Variants in CBFB observed in about 807,000 individuals in gnomAD.
The protein encoded by CBFB is core-binding factor subunit beta.
A neutral mutation model predicts 30.4 loss-of-function variants in CBFB; 9 were observed. That is an observed-to-expected ratio of 0.30 (90% CI 0.18 to 0.52). The LOEUF (loss-of-function observed/expected upper bound fraction) is 0.52. CBFB is among the 20% of genes least tolerant of loss of function. CBFB has a pLI of 0.97. For synonymous variants in CBFB, 94 were observed against 84.0 expected, an observed-to-expected ratio of 1.12 and a Z score of -0.65; for missense variants, 170 against 244.0, an observed-to-expected ratio of 0.70 and a Z score of 2.02.
At chr16:67,040,134 C>T (rs1410438698) in intron 3 of CBFB, among the ~76,000 whole-genome samples, 1 of 152,098 alleles carries the variant, frequency 6.6e-6, no homozygotes, top group Admixed American at 6.6e-5. Context: ...TGTGGGGTCT[C>T]GAATTTCTTT....
chr16:67,075,566 G>GTATA (rs894280456), intron 4 of CBFB, among the ~76,000 whole-genome samples: 1 of 151,630 alleles, frequency 6.6e-6, no homozygotes, highest in Non-Finnish European at 1.5e-5. Context: ...GTGTGTGTGT[G>GTATA]TATATATATA....
chr16:67,093,639 A>G (rs1213919897), intron 5 of CBFB: 1 of 152,184 alleles, frequency 6.6e-6, no homozygotes, highest in Non-Finnish European at 1.5e-5. Context: ...GGTCTGTAGC[A>G]CAAGGTTGAG....
At chr16:67,085,853 A>AG (rs1961714685) in intron 5 of CBFB, among the ~76,000 whole-genome samples, 1 of 150,676 alleles carries the variant, frequency 6.6e-6, no homozygotes, top group Non-Finnish European at 1.5e-5. Flanking sequence ...AATTTTTTGT[A>AG]TTTTTTAGTA....
intron 5 of CBFB, chr16:67,093,560 C>T (rs965860703): frequency 6.6e-6 from 1 of 151,972 alleles, no homozygotes; most frequent in Non-Finnish European, 1.5e-5. Flanking sequence ...TGCCTCCTAG[C>T]AACTCTATTT....
chr16:67,041,415 A>G (rs990837906), intron 3 of CBFB, among the ~76,000 whole-genome samples: 1 of 152,170 alleles, frequency 6.6e-6, no homozygotes, highest in Non-Finnish European at 1.5e-5. Context: ...TCCTGGATGT[A>G]TTTTGAGATA....
intron 3 of CBFB, among the ~76,000 whole-genome samples, chr16:67,052,833 C>G (rs1960595189): frequency 6.6e-6 from 1 of 151,754 alleles, no homozygotes; most frequent in African/African-American, 2.4e-5. Context: ...TGTCGTGATA[C>G]AGGCCTGTAG....
rs1163773529 is a variant in CBFB at position 67,055,357 on chromosome 16, C to CTTTTTTTTT, written c.283-11306_283-11298dup. Among the ~76,000 whole-genome samples the CTTTTTTTTT allele has an allele frequency of 1.0e-3, 85 of 81,470 alleles. 9 individuals are homozygous for CTTTTTTTTT. Among genetic ancestry groups the CTTTTTTTTT allele is most frequent in the African/African-American group, 3.0e-3 (55 of 18,446 alleles). The allele number at this position is 81,470 out of a possible 152,430, so 53.4% of individuals were successfully genotyped here. On this transcript the variant is annotated intron_variant, in intron 3 of 5. Coordinates refer to ENST00000412916, the MANE Select transcript of CBFB (RefSeq NM_022845.3). ...AAATCTATTGAATTCCAGACACTTT[C>CTTTTTTTTT]TTTTTTTTTTTTTTTTTTTTTTTTT...
At chr16:67,078,605 C>CA (rs1240738045) in intron 4 of CBFB, among the ~76,000 whole-genome samples, 1 of 151,990 alleles carries the variant, frequency 6.6e-6, no homozygotes, top group Non-Finnish European at 1.5e-5. Context: ...TGAAGGCTAC[C>CA]AAATATCTCC....
rs1962143412 is a variant in CBFB at position 67,099,097 on chromosome 16, T to G, written c.*319T>G. 2 of 295,966 alleles carry G rather than the reference T, an allele frequency of 6.8e-6. No individual in the cohort carries two copies. Among genetic ancestry groups the G allele is most frequent in the Non-Finnish European group, 1.2e-5 (2 of 160,922 alleles). 18.3% of individuals were successfully genotyped at this position (295,966 alleles called of 1,614,324 possible). The stretch of plus-strand genomic sequence containing the variant: ...TTTTCTTCCACTTTAATTTAAAAGT[T>G]CATGTCATTTAAAAACAAGTCAAGA... On this transcript the variant is annotated 3_prime_UTR_variant, in exon 6 of 6. Coordinates refer to ENST00000412916, the MANE Select transcript of CBFB (RefSeq NM_022845.3).
chr16:67,045,526 A>G (rs1402041686), intron 3 of CBFB, among the ~76,000 whole-genome samples: 2 of 152,128 alleles, frequency 1.3e-5, no homozygotes, highest in African/African-American at 4.8e-5. Flanking sequence ...GAAAAAAAAA[A>G]AATTAAAATG....
At chr16:67,051,409 T>C (rs954531256) in intron 3 of CBFB, among the ~76,000 whole-genome samples, 3 of 151,996 alleles carry the variant, frequency 2.0e-5, no homozygotes, top group Non-Finnish European at 4.4e-5. Flanking sequence ...CAAAATGTAA[T>C]ATATATATGG....
chr16:67,087,157 C>T (rs1961755911), intron 5 of CBFB, among the ~76,000 whole-genome samples: 1 of 152,140 alleles, frequency 6.6e-6, no homozygotes, highest in South Asian at 2.1e-4. Flanking sequence ...AAAAAGTGCT[C>T]TTCAGCTACA....
chr16:67,082,001 T>G, intron 4 of CBFB: 1 of 250,422 alleles, frequency 4.0e-6, no homozygotes, highest in Non-Finnish European at 7.8e-6. Context: ...GTATTTTTAG[T>G]AGAGATGCGG....
intron 4 of CBFB, among the ~76,000 whole-genome samples, chr16:67,073,485 T>C (rs1435968426): frequency 6.6e-6 from 1 of 152,212 alleles, no homozygotes; most frequent in African/African-American, 2.4e-5. Flanking sequence ...TGGCTCATAC[T>C]TGTAATCCCT....
chr16:67,041,294 T>TA (rs1966526325), intron 3 of CBFB, among the ~76,000 whole-genome samples: 1 of 152,214 alleles, frequency 6.6e-6, no homozygotes, highest in Non-Finnish European at 1.5e-5. Context: ...AGACTCATGC[T>TA]AGCTGCTAGG....
intron 2 of CBFB, among the ~76,000 whole-genome samples, chr16:67,033,009 G>T (rs1164633656): frequency 1.3e-5 from 2 of 152,126 alleles, no homozygotes; most frequent in Non-Finnish European, 2.9e-5. Flanking sequence ...TGAGTAGCTG[G>T]AATTACAGGC....
At chr16:67,085,474 A>G (rs1961697887) in intron 5 of CBFB, among the ~76,000 whole-genome samples, 1 of 97,366 alleles carries the variant, frequency 1.0e-5, no homozygotes, top group African/African-American at 4.2e-5. Flanking sequence ...CCAGACTTGA[A>G]ATAAAATTTA....
intron 2 of CBFB, among the ~76,000 whole-genome samples, chr16:67,032,428 A>G (rs1323086914): frequency 1.3e-5 from 2 of 152,218 alleles, no homozygotes; most frequent in Non-Finnish European, 2.9e-5. Flanking sequence ...TGAGGTTTGC[A>G]CTTAAGACGG....
At chr16:67,051,941 A>G (rs1960558899) in intron 3 of CBFB, among the ~76,000 whole-genome samples, 1 of 147,688 alleles carries the variant, frequency 6.8e-6, no homozygotes, top group South Asian at 2.1e-4. Context: ...ACACACACAC[A>G]CACGCATACA....
Sources: allele counts gnomAD v4.1 joint callset (sites outside exome capture counted in the v4.1 genomes callset), GRCh38; gene constraint gnomAD v4.1.1; transcripts MANE v1.5; gene names NCBI Gene and HGNC (gene_info 2026-07-23, HGNC 2026-07-21).